CLIC6: variants seen among roughly 807,000 people sequenced by gnomAD.
The protein encoded by CLIC6 is CLIC family member 6.
A neutral mutation model predicts 49.2 loss-of-function variants in CLIC6; 39 were observed. That is an observed-to-expected ratio of 0.79 (90% CI 0.61 to 1.04). CLIC6 has a LOEUF of 1.04. CLIC6 is among the 50% of genes least tolerant of loss of function. CLIC6 has a pLI of 0.00. For synonymous variants in CLIC6, 446 were observed against 433.4 expected (o/e 1.03, Z -0.36); for missense variants, 988 against 993.1 (o/e 0.99, Z 0.07).
In CLIC6 at chr21:34,714,402, T is replaced by C. The variant is rs139854703; in HGVS notation, c.1900-1919T>C. Among the ~76,000 whole-genome samples the C allele has an allele frequency of 7.9e-3, 1,203 of 152,186 alleles. 9 individuals carry two copies. The highest frequency in any genetic ancestry group is 9.3e-3 in the Non-Finnish European group (633 of 68,002). On this transcript the variant is annotated intron_variant, in intron 5 of 5. Transcript: ENST00000349499. ...ACAGGCAGCATCTAAAATTAGTAAA[T>C]CAAGGCCGGGTGCAGTGGCTCACAC...
At chr21:34,693,973 TTC>T (rs1468722852) in intron 1 of CLIC6, among the ~76,000 whole-genome samples, 37 of 128,842 alleles carry the variant, frequency 2.9e-4, no homozygotes, top group African/African-American at 9.6e-4. Flanking sequence ...TGTTGTTGTT[TTC>T]TTTTTTTTTT....
chr21:34,705,803 C>T (rs2145816801), intron 1 of CLIC6, among the ~76,000 whole-genome samples: 1 of 152,276 alleles, frequency 6.6e-6, no homozygotes, highest in East Asian at 1.9e-4. Flanking sequence ...ATTGTTTTGT[C>T]TTACACATTG....
intron 1 of CLIC6, among the ~76,000 whole-genome samples, chr21:34,705,618 C>T (rs984437391): frequency 3.3e-5 from 5 of 152,094 alleles, no homozygotes; most frequent in Non-Finnish European, 5.9e-5. Context: ...GAGGATGTGA[C>T]GCACAGGCCC....
At chr21:34,687,998 T>C (rs1989912336) in intron 1 of CLIC6, among the ~76,000 whole-genome samples, 1 of 152,196 alleles carries the variant, frequency 6.6e-6, no homozygotes, top group Non-Finnish European at 1.5e-5. Context: ...ACTGGGGGTA[T>C]GCAGTGTAAA....
rs181354059 is a variant in CLIC6, at chr21:34,714,800, T to G, written c.1900-1521T>G. 2.8e-3 allele frequency among the ~76,000 whole-genome samples: 430 copies of G among 152,030 alleles called. 1 individual carries two copies. Among genetic ancestry groups the G allele is most frequent in the African/African-American group, 9.4e-3 (391 of 41,462 alleles). ...TTAACATGACCATAAACCTTTTAAATGACCAGAAAGAGGGACACACACATG... is the reference window on the plus strand; with the variant it reads ...TTAACATGACCATAAACCTTTTAAAGGACCAGAAAGAGGGACACACACATG... On this transcript the variant is annotated intron_variant, in intron 5 of 5. Coordinates refer to ENST00000349499, the MANE Select transcript of CLIC6 (RefSeq NM_053277.3).
At chr21:34,683,072 A>G (rs1278958492) in intron 1 of CLIC6, among the ~76,000 whole-genome samples, 1 of 151,158 alleles carries the variant, frequency 6.6e-6, no homozygotes, top group Non-Finnish European at 1.5e-5. Context: ...CGGCCTCCCA[A>G]AGTGCTAGGA....
intron 1 of CLIC6, among the ~76,000 whole-genome samples, chr21:34,677,709 G>T (rs1989698885): frequency 6.6e-6 from 1 of 152,102 alleles, no homozygotes; most frequent in South Asian, 2.1e-4. Context: ...GAGGAGAAAT[G>T]CTCCTGACAA....
At chr21:34,702,449 T>C (rs1990207483) in intron 1 of CLIC6, among the ~76,000 whole-genome samples, 1 of 152,162 alleles carries the variant, frequency 6.6e-6, no homozygotes, top group Non-Finnish European at 1.5e-5. Context: ...TGCCAGATGC[T>C]GACAGTAATA....
At chr21:34,681,011 C>T (rs939900230) in intron 1 of CLIC6, among the ~76,000 whole-genome samples, 2 of 152,208 alleles carry the variant, frequency 1.3e-5, no homozygotes, top group African/African-American at 2.4e-5. Context: ...ATCCTTATAG[C>T]AGCATCCCAC....
At chr21:34,696,185 C>T (rs185245523) in intron 1 of CLIC6, among the ~76,000 whole-genome samples, 3 of 152,250 alleles carry the variant, frequency 2.0e-5, no homozygotes, top group African/African-American at 7.2e-5. Context: ...GAGACCCCCC[C>T]CATCCCTGGC....
At chr21:34,681,250 C>T (rs1246761462) in intron 1 of CLIC6, among the ~76,000 whole-genome samples, 1 of 152,198 alleles carries the variant, frequency 6.6e-6, no homozygotes, top group African/African-American at 2.4e-5. Flanking sequence ...ATTTATAAAG[C>T]CATCAGATCT....
chr21:34,707,812 T>C, intron 2 of CLIC6, 132 bp from the exon 3 acceptor site: 1 of 918,628 alleles, frequency 1.1e-6, no homozygotes, highest in Non-Finnish European at 1.7e-6. Context: ...CAAGACATTT[T>C]CATAAACCCA....
chr21:34,701,828 A>G (rs1990195545), intron 1 of CLIC6, among the ~76,000 whole-genome samples: 1 of 152,210 alleles, frequency 6.6e-6, no homozygotes, highest in South Asian at 2.1e-4. Flanking sequence ...CAATTTAAAT[A>G]TTGCATTTTA....
intron 1 of CLIC6, among the ~76,000 whole-genome samples, chr21:34,700,359 A>G (rs562463403): frequency 7.4e-6 from 1 of 134,974 alleles, no homozygotes; most frequent in African/African-American, 3.0e-5. Context: ...AGGCAGGAGA[A>G]TGGCGTGAAC....
At position 34,701,027 on chromosome 21, in the gene CLIC6, T is replaced by C. The variant is rs1350062709; in HGVS notation, c.1375-6253T>C. ...TTTTAATTTTCACTTGGAGTAGGTA[T>C]AGGATGTGTTACTTTTTAGGAGAAA... On this transcript the variant is annotated intron_variant, in intron 1 of 5. Coordinates refer to ENST00000349499, the MANE Select transcript of CLIC6 (RefSeq NM_053277.3). 2.2e-5 allele frequency among the ~76,000 whole-genome samples: 3 copies of C among 138,620 alleles called. 1 individual carries two copies. The highest frequency in any genetic ancestry group is 5.8e-5 in the African/African-American group (2 of 34,642). 90.9% of individuals were successfully genotyped at this position (138,620 alleles called of 152,430 possible).
At chr21:34,714,785 C>T (rs972582632) in intron 5 of CLIC6, among the ~76,000 whole-genome samples, 4 of 151,544 alleles carry the variant, frequency 2.6e-5, no homozygotes, top group Non-Finnish European at 4.4e-5. Context: ...TTAACATGAC[C>T]ATAAACCTTT....
At chr21:34,686,032 C>T (rs1989870652) in intron 1 of CLIC6, among the ~76,000 whole-genome samples, 1 of 152,160 alleles carries the variant, frequency 6.6e-6, no homozygotes, top group Non-Finnish European at 1.5e-5. Flanking sequence ...AAATTTGCAA[C>T]CTCAGGCATA....
chr21:34,708,923 G>T (rs2056036318), intron 4 of CLIC6, 117 bp downstream of exon 4: 1 of 733,114 alleles, frequency 1.4e-6, no homozygotes. Context: ...AGTGAGTCTG[G>T]AGCTACAGAA....
chr21:34,708,080 G>C lies in CLIC6; in HGVS notation c.1610+11G>C. On this transcript the variant is annotated intron_variant, in intron 3 of 5. Coordinates refer to ENST00000349499, the MANE Select transcript of CLIC6 (RefSeq NM_053277.3). ...ATTAGCTCCCCCGAGGTAGGCCTCAGAAAACCAGTGTTCATAACTTGATTG... is the reference window on the plus strand; with the variant it reads ...ATTAGCTCCCCCGAGGTAGGCCTCACAAAACCAGTGTTCATAACTTGATTG... 6.2e-7 allele frequency: 1 copy of C among 1,614,042 alleles called. No homozygotes were observed. Among genetic ancestry groups the C allele is most frequent in the African/African-American group, 1.3e-5 (1 of 75,044 alleles).
Sources: allele counts gnomAD v4.1 joint callset (sites outside exome capture counted in the v4.1 genomes callset), GRCh38; gene constraint gnomAD v4.1.1; transcripts MANE v1.5; gene names NCBI Gene and HGNC (gene_info 2026-07-23, HGNC 2026-07-21).